CDH12: variants seen among roughly 807,000 people sequenced by gnomAD.
CDH12 encodes the protein cadherin-12.
CDH12 carries 41 observed loss-of-function variants against 74.1 expected under a neutral mutation model. The ratio of observed to expected loss-of-function variants is 0.55; its 90% CI spans 0.43 to 0.72. The LOEUF (loss-of-function observed/expected upper bound fraction) is 0.72. Among genes scored for constraint, CDH12 ranks in the 30% least tolerant of loss-of-function variants. CDH12 has a pLI of 0.00. For synonymous variants in CDH12, 399 were observed against 355.0 expected, an observed-to-expected ratio of 1.12 and a Z score of -1.39; for missense variants, 945 against 977.2, an observed-to-expected ratio of 0.97 and a Z score of 0.44.
chr5:21,945,752 T>A (rs1460299652), intron 6 of CDH12, among the ~76,000 whole-genome samples: 1 of 149,238 alleles, frequency 6.7e-6, no homozygotes, highest in African/African-American at 2.5e-5. Context: ...AGAAAACTGA[T>A]AAAAAAAAAA....
At chr5:21,979,851 G>A (rs1488819021) in intron 5 of CDH12, among the ~76,000 whole-genome samples, 1 of 151,622 alleles carries the variant, frequency 6.6e-6, no homozygotes, top group Non-Finnish European at 1.5e-5. Context: ...AGATCCCTGA[G>A]GAATCGCCAC....
intron 1 of CDH12, among the ~76,000 whole-genome samples, chr5:22,698,876 A>C (rs1742566575): frequency 6.6e-6 from 1 of 151,096 alleles, no homozygotes; most frequent in Admixed American, 6.6e-5. Flanking sequence ...AATGGTGATG[A>C]GTTTTCTCCG....
intron 3 of CDH12, 95 bp from the exon 4 acceptor site, chr5:22,212,738 C>G (rs1751615254): frequency 3.1e-6 from 1 of 324,126 alleles, no homozygotes; most frequent in African/African-American, 2.3e-5. Context: ...TCTCCGTGAG[C>G]GTGCTCCGTT....
At chr5:22,000,956 C>A (rs1288209758) in intron 5 of CDH12, among the ~76,000 whole-genome samples, 1 of 152,114 alleles carries the variant, frequency 6.6e-6, no homozygotes, top group East Asian at 1.9e-4. Context: ...TAGAAAATTT[C>A]ATTGATGCAG....
intron 5 of CDH12, among the ~76,000 whole-genome samples, chr5:22,042,385 C>CA (rs1262085093): frequency 6.6e-6 from 1 of 151,954 alleles, no homozygotes; most frequent in African/African-American, 2.4e-5. Context: ...ACAAATCTGA[C>CA]AAACTTTTAG....
At chr5:22,345,732 A>G (rs1455766043) in intron 3 of CDH12, among the ~76,000 whole-genome samples, 2 of 152,182 alleles carry the variant, frequency 1.3e-5, no homozygotes, top group Non-Finnish European at 2.9e-5. Context: ...AAAATTTGTC[A>G]AACGTTTGTT....
At chr5:21,938,748 ATCTTC>A (rs1561313588) in intron 6 of CDH12, among the ~76,000 whole-genome samples, 10 of 136,548 alleles carry the variant, frequency 7.3e-5, no homozygotes, top group South Asian at 2.3e-4. Flanking sequence ...ATATATATAT[ATCTTC>A]TACATATCAG....
In CDH12 at chr5:22,251,808, A is replaced by G. The variant is rs1753144843; in HGVS notation, c.-332-39165T>C. On this transcript the variant is annotated intron_variant, in intron 3 of 14. Coordinates refer to ENST00000382254, the MANE Select transcript of CDH12 (RefSeq NM_004061.5). Reference sequence around the variant, plus strand: ...TGTCATCTCTACCCTTTGGGAAAGTATTACTTACACGAAAAATTTTGTAAA... The same window carrying G: ...TGTCATCTCTACCCTTTGGGAAAGTGTTACTTACACGAAAAATTTTGTAAA... Among the ~76,000 whole-genome samples the G allele has an allele frequency of 2.6e-5, 4 of 152,170 alleles. No individual in the cohort carries two copies. In the South Asian group the frequency reaches 6.2e-4, roughly 24 times the overall value.
chr5:22,742,529 T>G (rs1396295826), intron 1 of CDH12, among the ~76,000 whole-genome samples: 1 of 152,134 alleles, frequency 6.6e-6, no homozygotes, highest in Non-Finnish European at 1.5e-5. Flanking sequence ...CTGCTATGTA[T>G]CTGCCTAGGA....
intron 1 of CDH12, among the ~76,000 whole-genome samples, chr5:22,598,927 T>C (rs1338221017): frequency 1.3e-5 from 2 of 152,136 alleles, no homozygotes; most frequent in Admixed American, 1.3e-4. Flanking sequence ...TGGAAGTCAT[T>C]GGCATTTTTG....
chr5:22,240,816 G>A (rs1034557530), intron 3 of CDH12, among the ~76,000 whole-genome samples: 1 of 152,178 alleles, frequency 6.6e-6, no homozygotes, highest in Admixed American at 6.5e-5. Context: ...TTACAGGCGT[G>A]AGCCACCGCC....
At chr5:22,646,017 T>C (rs1580847664) in intron 1 of CDH12, among the ~76,000 whole-genome samples, 1 of 151,982 alleles carries the variant, frequency 6.6e-6, no homozygotes, top group East Asian at 1.9e-4. Flanking sequence ...GTGGTCTGGA[T>C]CTGATCTCTC....
At chr5:22,572,802 G>T (rs368766938) in intron 1 of CDH12, among the ~76,000 whole-genome samples, 1 of 152,104 alleles carries the variant, frequency 6.6e-6, no homozygotes, top group East Asian at 1.9e-4. Flanking sequence ...TCTATTGAGT[G>T]TTCTATTAAA....
intron 4 of CDH12, among the ~76,000 whole-genome samples, chr5:22,081,460 C>T (rs1274283586): frequency 1.3e-5 from 2 of 152,052 alleles, no homozygotes; most frequent in Non-Finnish European, 2.9e-5. Flanking sequence ...AATCCTATTC[C>T]AAGCATATCA....
At chr5:22,107,036 C>G (rs747796442) in intron 4 of CDH12, among the ~76,000 whole-genome samples, 4 of 152,082 alleles carry the variant, frequency 2.6e-5, no homozygotes, top group African/African-American at 7.2e-5. Flanking sequence ...TCCCAGCTAC[C>G]CATTCTACTG....
At chr5:22,583,349 G>T (rs1740202268) in intron 1 of CDH12, among the ~76,000 whole-genome samples, 1 of 152,084 alleles carries the variant, frequency 6.6e-6, no homozygotes, top group African/African-American at 2.4e-5. Flanking sequence ...TAATAGGCAT[G>T]ATTAGCAGAC....
At chr5:22,208,480 C>T (rs990646400) in intron 4 of CDH12, among the ~76,000 whole-genome samples, 2 of 152,158 alleles carry the variant, frequency 1.3e-5, no homozygotes, top group East Asian at 3.9e-4. Flanking sequence ...TTTCTACTGG[C>T]CTCATTACTG....
intron 1 of CDH12, among the ~76,000 whole-genome samples, chr5:22,673,536 G>T (rs1234497556): frequency 6.6e-6 from 1 of 151,994 alleles, no homozygotes; most frequent in Non-Finnish European, 1.5e-5. Context: ...TTTTATTAAT[G>T]TACTTTTAAT....
intron 1 of CDH12, among the ~76,000 whole-genome samples, chr5:22,662,391 T>C (rs189773570): frequency 2.6e-5 from 4 of 152,160 alleles, no homozygotes; most frequent in Non-Finnish European, 4.4e-5. Context: ...GAAAGAATCA[T>C]GCAGATAAAG....
Sources: allele counts gnomAD v4.1 joint callset (sites outside exome capture counted in the v4.1 genomes callset), GRCh38; gene constraint gnomAD v4.1.1; transcripts MANE v1.5; gene names NCBI Gene and HGNC (gene_info 2026-07-23, HGNC 2026-07-21).